Variants in SH3BP4 observed in about 807,000 individuals in gnomAD.
The protein encoded by SH3BP4 is SH3 domain binding protein 4, also known as SH3 domain-binding protein 4.
Under a neutral mutation model 65.5 loss-of-function variants are expected in SH3BP4, and 33 were observed. The ratio of observed to expected loss-of-function variants is 0.50; its 90% CI spans 0.38 to 0.67. The LOEUF (loss-of-function observed/expected upper bound fraction) is 0.67, where lower values mean the gene tolerates loss of function less well. SH3BP4 is among the 30% of genes least tolerant of loss of function. The probability of loss-of-function intolerance (pLI) is 0.00; values close to 1 mark genes in which losing one functional copy is unlikely to be tolerated. For synonymous variants in SH3BP4, 552 were observed against 545.5 expected (o/e 1.01, Z -0.17); for missense variants, 1,134 against 1,261.4 (o/e 0.90, Z 1.53).
chr2:235,005,895 A>G (rs760603976), intron 2 of SH3BP4, among the ~76,000 whole-genome samples: 67 of 152,346 alleles, frequency 4.4e-4, no homozygotes, highest in Admixed American at 1.4e-3. Flanking sequence ...TTGGGTCTAC[A>G]CACAGCCAAG....
intron 5 of SH3BP4, among the ~76,000 whole-genome samples, chr2:235,053,152 T>C (rs1696116439): frequency 6.6e-6 from 1 of 152,232 alleles, no homozygotes; most frequent in Non-Finnish European, 1.5e-5. Flanking sequence ...GTGGCCGGGC[T>C]CTTGCTCAGA....
chr2:234,997,564 G>C lies in SH3BP4; in HGVS notation c.-133+2188G>C. On this transcript the variant is annotated intron_variant, in intron 2 of 5. Transcript: ENST00000392011. This position sits in a 1 kb window ranked among gnomAD's most constrained non-coding sequence, Gnocchi z 4.2. Reference sequence around the variant, plus strand: ...AGGAGGCCTGCAGCAGAGCACGGCCGATTGCTCCTCCGGGGAGTGTCAGCT... The same window carrying C: ...AGGAGGCCTGCAGCAGAGCACGGCCCATTGCTCCTCCGGGGAGTGTCAGCT... Among the ~76,000 whole-genome samples the C allele has an allele frequency of 6.6e-6, 1 of 152,182 alleles. No individual in the cohort carries two copies. Among genetic ancestry groups the C allele is most frequent in the East Asian group, 1.9e-4 (1 of 5,178 alleles).
chr2:235,013,985 T>C, intron 2 of SH3BP4, among the ~76,000 whole-genome samples: 1 of 152,346 alleles, frequency 6.6e-6, no homozygotes, highest in South Asian at 2.1e-4. Flanking sequence ...ATAAACAATG[T>C]ACTTATAGAA....
Position 235,055,500 on chromosome 2 carries a change from C to T in SH3BP4, c.*1684C>T, listed in dbSNP as rs1574857030. ...ATTTCTCCCAGAGACCATCTATCAC[C>T]TTTTCCCCAAAGAAGAAACAAAACC... On this transcript the variant is annotated 3_prime_UTR_variant, in exon 6 of 6. Coordinates refer to ENST00000392011, the MANE Select transcript of SH3BP4 (RefSeq NM_014521.3). 1 of 152,646 alleles carries T rather than the reference C, an allele frequency of 6.6e-6. No individual in the cohort carries two copies. Among genetic ancestry groups the T allele is most frequent in the Non-Finnish European group, 1.5e-5 (1 of 68,038 alleles). The allele number at this position is 152,646 out of a possible 1,614,324, so 9.5% of individuals were successfully genotyped here.
intron 1 of SH3BP4, among the ~76,000 whole-genome samples, chr2:234,965,699 T>G (rs377103963): frequency 6.6e-6 from 1 of 152,218 alleles, no homozygotes; most frequent in Admixed American, 6.5e-5. Context: ...TGGGGGTTTT[T>G]TTCATGCTCA....
chr2:235,010,819 ACCCTTCCTCCCTCTCCT>A (rs1694464105), intron 2 of SH3BP4, among the ~76,000 whole-genome samples: 1 of 135,950 alleles, frequency 7.4e-6, no homozygotes, highest in Non-Finnish European at 1.6e-5. Flanking sequence ...CTCTTCTAGA[ACCCTTCCTCCCTCTCCT>A]AGGAGAACCC....
At chr2:234,963,909 G>C (rs1692775868) in intron 1 of SH3BP4, among the ~76,000 whole-genome samples, 1 of 152,198 alleles carries the variant, frequency 6.6e-6, no homozygotes, top group Non-Finnish European at 1.5e-5. Context: ...TAAGGGGAGA[G>C]TTTGTCATGG....
chr2:234,985,139 C>T (rs571640630), intron 1 of SH3BP4, among the ~76,000 whole-genome samples: 1 of 152,190 alleles, frequency 6.6e-6, no homozygotes, highest in South Asian at 2.1e-4. Context: ...GATCACACCC[C>T]CTATTTGGAG....
Position 235,041,851 on chromosome 2 carries a change from A to AC in SH3BP4, c.1088dup (p.Leu364AlafsTer6). The AC allele has an allele frequency of 1.9e-6, 3 of 1,606,424 alleles. No individual in the cohort carries two copies. The highest frequency in any genetic ancestry group is 8.5e-7 in the Non-Finnish European group (1 of 1,175,412). ...CAGATCTCCATGAAAGCCCTGCTGG[A>AC]CCCCCCGCTGGAGCTCAACAGTGAC... On this transcript the variant is annotated frameshift_variant, in exon 4 of 6. Transcript: ENST00000392011. LOFTEE classifies it high-confidence loss of function. The surrounding 1 kb of genome is among the most constrained non-coding windows in gnomAD (Gnocchi z 6.0).
intron 1 of SH3BP4, among the ~76,000 whole-genome samples, chr2:234,958,521 G>A (rs1191241896): frequency 6.6e-6 from 1 of 152,108 alleles, no homozygotes; most frequent in African/African-American, 2.4e-5. Flanking sequence ...TGGGCAGTGA[G>A]TGTGGAAGAG....
chr2:234,956,108 CAT>C lies in SH3BP4; in HGVS notation c.-207+3939_-207+3940del, dbSNP rs537085459. On this transcript the variant is annotated intron_variant, in intron 1 of 5. Transcript: ENST00000392011. ...TCTGAAGGTGATGAAATCTTTAAAA[CAT>C]GTGACGCTTTCTCAGCCTAAATGGA... Among the ~76,000 whole-genome samples the C allele has an allele frequency of 4.5e-3, 678 of 152,326 alleles. 3 individuals are homozygous for C. The highest frequency in any genetic ancestry group is 0.015 in the African/African-American group (637 of 41,554).
rs115075082 is a variant in SH3BP4, at chr2:234,993,100, C to T, written c.-206-2203C>T. On this transcript the variant is annotated intron_variant, in intron 1 of 5. Coordinates refer to ENST00000392011, the MANE Select transcript of SH3BP4 (RefSeq NM_014521.3). ...GAGCTGGGTCCTTCTGGGGAGCGCC[C>T]GGTGGGGCTTGTTGTCCCTGCCTTG... is the stretch of plus-strand genomic sequence containing the variant. Among the ~76,000 whole-genome samples the T allele has an allele frequency of 3.7e-3, 567 of 152,312 alleles. 1 individual carries two copies. The highest frequency in any genetic ancestry group is 0.013 in the African/African-American group (536 of 41,568).
intron 2 of SH3BP4, among the ~76,000 whole-genome samples, chr2:235,006,923 T>G (rs1441663563): frequency 3.3e-5 from 5 of 152,100 alleles, no homozygotes; most frequent in Non-Finnish European, 7.3e-5. Flanking sequence ...CCACGCCGCA[T>G]CTGTGTGTCC....
intron 1 of SH3BP4, among the ~76,000 whole-genome samples, chr2:234,959,156 A>G (rs1489100923): frequency 6.6e-6 from 1 of 152,138 alleles, no homozygotes; most frequent in Non-Finnish European, 1.5e-5. Context: ...TTAAGACTCA[A>G]TTCAGCAGAC....
In SH3BP4 at chr2:235,042,851, G is replaced by A. The variant is rs1466727862; in HGVS notation, c.2082G>A (p.Arg694=). ...ALLSEERVRL[R]GQLWTKEWYI... ...TCAGCGAGGAGCGGGTCAGGCTCCG[G>A]GGCCAGCTGTGGACCAAGGAGTGGT... Residue 694 remains arginine (R), a synonymous_variant, in exon 4 of 6, where the codon CGG becomes CGA. Coordinates refer to ENST00000392011, the MANE Select transcript of SH3BP4 (RefSeq NM_014521.3). This position sits in a 1 kb window ranked among gnomAD's most constrained non-coding sequence, Gnocchi z 7.3. 7.4e-6 allele frequency: 12 copies of A among 1,613,858 alleles called. No homozygotes were observed. Among genetic ancestry groups the A allele is most frequent in the Non-Finnish European group, 1.0e-5 (12 of 1,180,024 alleles).
chr2:235,042,287 C>G lies in SH3BP4; in HGVS notation c.1518C>G (p.Val506=). 2.5e-6 allele frequency: 4 copies of G among 1,614,148 alleles called. No individual in the cohort carries two copies. Among genetic ancestry groups the G allele is most frequent in the Non-Finnish European group, 3.4e-6 (4 of 1,180,048 alleles). ...ACTGTGCCCCAAAGACGCTCCTGGT[C>G]AGCGAGGTCACACGCCAGGCACCCA... is the stretch of plus-strand genomic sequence containing the variant. ...GHDCAPKTLL[V]SEVTRQAPNP... Residue 506 remains valine (V), a synonymous_variant, in exon 4 of 6, where the codon GTC becomes GTG. Transcript: ENST00000392011. The surrounding 1 kb of genome is among the most constrained non-coding windows in gnomAD (Gnocchi z 7.3).
intron 2 of SH3BP4, among the ~76,000 whole-genome samples, chr2:235,003,142 C>G (rs188086226): frequency 6.6e-6 from 1 of 152,236 alleles, no homozygotes; most frequent in African/African-American, 2.4e-5. Context: ...GGCTTCTGAT[C>G]GAATAAGCCC....
intron 4 of SH3BP4, among the ~76,000 whole-genome samples, chr2:235,044,983 G>T: frequency 6.6e-6 from 1 of 152,192 alleles, no homozygotes; most frequent in Non-Finnish European, 1.5e-5. Context: ...GCGAACAAAC[G>T]CAGCAGGGAA....
intron 4 of SH3BP4, among the ~76,000 whole-genome samples, chr2:235,044,314 C>T (rs1433996348): frequency 2.6e-5 from 4 of 152,234 alleles, no homozygotes; most frequent in Admixed American, 2.6e-4. Context: ...ACGAGCCAAC[C>T]GGGGAGCATT....
Sources: gnomAD v4.1 joint callset for allele counts (sites outside exome capture counted in the v4.1 genomes callset) on GRCh38, gnomAD v4.1.1 for gene constraint, Gnocchi (gnomAD v3.1) non-coding constraint, MANE v1.5 for transcripts, NCBI Gene and HGNC (gene_info 2026-07-23, HGNC 2026-07-21) for gene names.